The following BRINP1 variants were observed in gnomAD, a reference collection of about 807,000 sequenced individuals.
BRINP1 encodes BMP/retinoic acid inducible neural specific 1.
BRINP1 carries 17 observed loss-of-function variants against 72.9 expected under a neutral mutation model. The observed-to-expected ratio is 0.23, with a 90% CI of 0.16 to 0.35. The LOEUF (loss-of-function observed/expected upper bound fraction) is 0.35, where lower values mean the gene tolerates loss of function less well. Among genes scored for constraint, BRINP1 ranks in the 10% least tolerant of loss-of-function variants. BRINP1 has a pLI of 1.00. For missense variants in BRINP1, 850 were observed against 1,001.6 expected (o/e 0.85, Z 2.04); for synonymous variants, 418 against 378.5 (o/e 1.10, Z -1.21).
intron 7 of BRINP1, among the ~76,000 whole-genome samples, chr9:119,203,958 A>T (rs925438076): frequency 3.3e-5 from 5 of 152,142 alleles, no homozygotes; most frequent in Non-Finnish European, 5.9e-5. Flanking sequence ...GGCCAACAGA[A>T]TGTGGTACAA....
In BRINP1 at chr9:119,200,058, A is replaced by G. The variant is rs562994915; in HGVS notation, c.1145+8661T>C. Among the ~76,000 whole-genome samples the G allele has an allele frequency of 3.3e-5, 5 of 152,320 alleles. No individual in the cohort carries two copies. In the East Asian group the frequency reaches 9.7e-4, roughly 29 times the overall value. ...TTTGTGAATGAGGAAGATAATCTAA[A>G]TATATTCAACATATGTAGAAAGTAC... is the stretch of plus-strand genomic sequence containing the variant. On this transcript the variant is annotated intron_variant, in intron 7 of 7. Transcript: ENST00000265922.
At chr9:119,199,976 A>C (rs1829787335) in intron 7 of BRINP1, among the ~76,000 whole-genome samples, 1 of 152,178 alleles carries the variant, frequency 6.6e-6, no homozygotes, top group Non-Finnish European at 1.5e-5. Flanking sequence ...TCTGTTCACA[A>C]ATTCCCTGAG....
chr9:119,245,782 G>A (rs1571903), intron 3 of BRINP1, among the ~76,000 whole-genome samples: 81,749 of 152,012 alleles, frequency 0.54, 22,546 homozygotes, highest in East Asian at 0.65. Flanking sequence ...CTGACATGTC[G>A]AAGAGTTTAT....
At chr9:119,364,627 G>C (rs1018498704) in intron 1 of BRINP1, among the ~76,000 whole-genome samples, 1 of 152,210 alleles carries the variant, frequency 6.6e-6, no homozygotes, top group Admixed American at 6.5e-5. Context: ...CAGAGATGAC[G>C]TAAGAAGGAA....
At chr9:119,330,957 G>A (rs971079495) in intron 1 of BRINP1, among the ~76,000 whole-genome samples, 3 of 152,144 alleles carry the variant, frequency 2.0e-5, no homozygotes, top group Admixed American at 6.5e-5. Flanking sequence ...AACCCAGCAG[G>A]TGGAGGCTGC....
intron 5 of BRINP1, among the ~76,000 whole-genome samples, chr9:119,234,704 C>A (rs887247839): frequency 1.3e-5 from 2 of 151,926 alleles, no homozygotes; most frequent in Non-Finnish European, 2.9e-5. Flanking sequence ...TGAGCTCACT[C>A]AAAAATCATG....
At chr9:119,352,129 G>A (rs951309772) in intron 1 of BRINP1, among the ~76,000 whole-genome samples, 1 of 152,084 alleles carries the variant, frequency 6.6e-6, no homozygotes, top group Non-Finnish European at 1.5e-5. Context: ...CAAGATAAAT[G>A]TTTGTCTTAG....
chr9:119,319,417 G>A (rs2119002443), intron 1 of BRINP1, among the ~76,000 whole-genome samples: 1 of 152,250 alleles, frequency 6.6e-6, no homozygotes, highest in Non-Finnish European at 1.5e-5. Flanking sequence ...GAAAATGAAA[G>A]TTTCTATAGA....
intron 3 of BRINP1, 76 bp downstream of exon 3, chr9:119,248,884 T>G (rs1830349733): frequency 7.6e-7 from 1 of 1,319,028 alleles, no homozygotes; most frequent in Non-Finnish European, 1.1e-6. Flanking sequence ...GCTTTGCTGT[T>G]AAGACATCCC....
intron 2 of BRINP1, among the ~76,000 whole-genome samples, chr9:119,272,718 G>T (rs1455831600): frequency 6.6e-6 from 1 of 152,188 alleles, no homozygotes; most frequent in East Asian, 1.9e-4. Flanking sequence ...AACCATGAAA[G>T]ACTCGCTTCC....
At chr9:119,211,826 GAA>G (rs1033105223) in intron 6 of BRINP1, among the ~76,000 whole-genome samples, 2 of 152,206 alleles carry the variant, frequency 1.3e-5, no homozygotes, top group African/African-American at 4.8e-5. Flanking sequence ...CTTTTGGGGA[GAA>G]AGTGTGACAT....
chr9:119,231,294 G>C lies in BRINP1; in HGVS notation c.685+7361C>G, dbSNP rs573781986. Among the ~76,000 whole-genome samples the C allele has an allele frequency of 3.3e-5, 5 of 152,050 alleles. No homozygotes were observed. The East Asian group carries it at 9.7e-4, about 29-fold the overall frequency. ...TCCTTTCCCTCTCTGCCAAGAATAT[G>C]TGCTCCTATCTAAGGCAAATAATTC... On this transcript the variant is annotated intron_variant, in intron 5 of 7. Transcript: ENST00000265922.
At chr9:119,308,983 A>G (rs1004263877) in intron 2 of BRINP1, among the ~76,000 whole-genome samples, 3 of 151,996 alleles carry the variant, frequency 2.0e-5, no homozygotes, top group African/African-American at 7.3e-5. Context: ...GAAAAAAAAA[A>G]ACAGAAAATA....
chr9:119,309,706 C>G (rs1353041003), intron 2 of BRINP1, among the ~76,000 whole-genome samples: 2 of 152,120 alleles, frequency 1.3e-5, no homozygotes, highest in Admixed American at 1.3e-4. Flanking sequence ...AATTGAATAT[C>G]TGAGCGGTCA....
intron 1 of BRINP1, among the ~76,000 whole-genome samples, chr9:119,347,735 C>T (rs985348354): frequency 1.3e-5 from 2 of 152,108 alleles, no homozygotes. Flanking sequence ...CCACTTTCTC[C>T]CAAGCTGTTC....
At chr9:119,199,917 T>C (rs889427460) in intron 7 of BRINP1, among the ~76,000 whole-genome samples, 9 of 152,220 alleles carry the variant, frequency 5.9e-5, no homozygotes, top group Non-Finnish European at 1.5e-5. Flanking sequence ...GTTTCAATTT[T>C]ACTAAACTGT....
rs142983160 is a variant in BRINP1 at position 119,368,838 on chromosome 9, A to T, written c.-51+218T>A. On this transcript the variant is annotated intron_variant, in intron 1 of 7. Coordinates refer to ENST00000265922, the MANE Select transcript of BRINP1 (RefSeq NM_014618.3). The surrounding 1 kb of genome is among the most constrained non-coding windows in gnomAD (Gnocchi z 4.7). ...GGGAGCGCGCGGGGACACACACGCCACTCACTCAAACCCGCAATTAGCCCT... is the reference window on the plus strand; with the variant it reads ...GGGAGCGCGCGGGGACACACACGCCTCTCACTCAAACCCGCAATTAGCCCT... Among the ~76,000 whole-genome samples, 1 of 151,972 alleles carries T rather than the reference A, an allele frequency of 6.6e-6. No individual in the cohort carries two copies. Among genetic ancestry groups the T allele is most frequent in the Non-Finnish European group, 1.5e-5 (1 of 67,962 alleles).
chr9:119,196,403 A>T (rs1411347413), intron 7 of BRINP1, among the ~76,000 whole-genome samples: 1 of 152,170 alleles, frequency 6.6e-6, no homozygotes, highest in East Asian at 1.9e-4. Context: ...CAAAAGAGAG[A>T]TCCCATCGAT....
intron 1 of BRINP1, among the ~76,000 whole-genome samples, chr9:119,361,070 T>C (rs1408922875): frequency 6.6e-6 from 1 of 152,116 alleles, no homozygotes; most frequent in Non-Finnish European, 1.5e-5. Context: ...GAATGATATA[T>C]TTTGTGTCCT....
Sources: allele counts gnomAD v4.1 joint callset (sites outside exome capture counted in the v4.1 genomes callset), GRCh38; gene constraint gnomAD v4.1.1; non-coding constraint Gnocchi (gnomAD v3.1); transcripts MANE v1.5; gene names NCBI Gene and HGNC (gene_info 2026-07-23, HGNC 2026-07-21).